Variants in EPB41 observed in about 807,000 individuals in gnomAD.
EPB41 encodes the protein protein 4.1.
EPB41 carries 65 observed loss-of-function variants against 108.0 expected under a neutral mutation model. The ratio of observed to expected loss-of-function variants is 0.60; its 90% confidence interval spans 0.49 to 0.74. EPB41 has a LOEUF of 0.74. EPB41 is among the 30% of genes least tolerant of loss of function. EPB41 has a pLI of 0.00. For synonymous variants in EPB41, 336 were observed against 358.9 expected, an observed-to-expected ratio of 0.94 and a Z score of 0.72; for missense variants, 875 against 1,037.0, an observed-to-expected ratio of 0.84 and a Z score of 2.15.
chr1:29,057,961 T>C (rs2150881958), intron 12 of EPB41, among the ~76,000 whole-genome samples: 1 of 152,290 alleles, frequency 6.6e-6, no homozygotes, highest in South Asian at 2.1e-4. Flanking sequence ...CTGGGAGTAA[T>C]TTCATGTGTC....
chr1:29,061,083 A>G (rs1157576971), intron 15 of EPB41, among the ~76,000 whole-genome samples: 1 of 152,130 alleles, frequency 6.6e-6, no homozygotes, highest in East Asian at 1.9e-4. Flanking sequence ...ATTGAACCTC[A>G]AAGAGATTAA....
intron 1 of EPB41, among the ~76,000 whole-genome samples, chr1:28,908,997 CAA>C (rs879699641): frequency 7.2e-6 from 1 of 137,954 alleles, no homozygotes. Flanking sequence ...ACTAAAAATA[CAA>C]AAAAAAAAAA....
chr1:28,887,543 C>T lies in EPB41; in HGVS notation c.-8+333C>T. 6.1e-6 allele frequency: 6 copies of T among 985,116 alleles called. No individual in the cohort carries two copies. Among genetic ancestry groups the T allele is most frequent in the Non-Finnish European group, 7.2e-6 (6 of 829,790 alleles). 61.0% of individuals were successfully genotyped at this position (985,116 alleles called of 1,614,324 possible). A position where few individuals can be genotyped will look rare whatever the true frequency, so the allele number is the denominator to read the frequency against. On this transcript the variant is annotated intron_variant, in intron 1 of 16. Coordinates refer to the EPB41 transcript ENST00000347529. This position sits in a 1 kb window ranked among gnomAD's most constrained non-coding sequence, Gnocchi z 4.9. ...TGCATTCGGTGTCCGCGGGAGAGTC[C>T]CTGCAGGTCGGCGCAGCCCCCGGCC...
chr1:29,082,171 C>A (rs1656967986), intron 16 of EPB41, among the ~76,000 whole-genome samples: 1 of 152,194 alleles, frequency 6.6e-6, no homozygotes. Flanking sequence ...GTCACCCCGG[C>A]TGGAGTGCAG....
chr1:28,913,964 CA>C (rs2092393280), upstream of EPB41, among the ~76,000 whole-genome samples: 2 of 152,260 alleles, frequency 1.3e-5, 1 homozygote, highest in Admixed American at 1.3e-4. Context: ...GGCGTGGTCT[CA>C]ACACTTAGCT....
At chr1:28,930,488 T>TG (rs1055575788) in intron 1 of EPB41, among the ~76,000 whole-genome samples, 19 of 142,846 alleles carry the variant, frequency 1.3e-4, no homozygotes, top group Admixed American at 1.3e-3. Flanking sequence ...TGTGTGTGTG[T>TG]TTTTTTTTTA....
chr1:28,927,330 A>G (rs1273954002), intron 1 of EPB41, among the ~76,000 whole-genome samples: 2 of 152,188 alleles, frequency 1.3e-5, no homozygotes, highest in Admixed American at 1.3e-4. Context: ...GAAACAGAGA[A>G]CTGATGAATT....
chr1:29,026,788 C>G (rs1158935366), intron 7 of EPB41, among the ~76,000 whole-genome samples: 2 of 152,140 alleles, frequency 1.3e-5, no homozygotes, highest in East Asian at 3.9e-4. Context: ...GTCTGGGTGA[C>G]AGAGCAAGAC....
rs752588508 is a variant in EPB41, at chr1:28,997,219, A to G, written c.686A>G (p.His229Arg). 9.9e-6 allele frequency: 16 copies of G among 1,611,550 alleles called. No individual in the cohort carries two copies. The highest frequency in any genetic ancestry group is 1.4e-5 in the Non-Finnish European group (16 of 1,177,642). Residue 229 changes from histidine (H) to arginine (R), a missense_variant, in exon 4 of 21, where the codon CAT (histidine) becomes CGT (arginine). Physicochemically the swap from His to Arg is conservative, Grantham distance 29. Coordinates refer to ENST00000343067, the MANE Select transcript of EPB41 (RefSeq NM_001376013.1). ...AAGTCACGTATATCTTTGCAGAAAC[A>G]TGCTAAGGGACAAGATTTGCTTAAA... Reference protein sequence around the residue: ...DTVYECVVEKHAKGQDLLKRV... With the variant: ...DTVYECVVEKRAKGQDLLKRV...
chr1:28,917,246 C>CTGTGTGTGTGTGTGTGTG (rs554163319), intron 1 of EPB41, among the ~76,000 whole-genome samples: 1 of 151,528 alleles, frequency 6.6e-6, no homozygotes, highest in African/African-American at 2.4e-5. Context: ...CCATCTCTCT[C>CTGTGTGTGTGTGTGTGTG]TCTGTGTGTG....
upstream of EPB41, among the ~76,000 whole-genome samples, chr1:28,912,241 G>C (rs1175291828): frequency 6.6e-6 from 1 of 152,122 alleles, no homozygotes; most frequent in Non-Finnish European, 1.5e-5. Flanking sequence ...GCAGTCTAGT[G>C]GGTCTAGATT....
intron 16 of EPB41, chr1:29,070,425 C>T (rs748166603): frequency 1.1e-5 from 13 of 1,232,172 alleles, no homozygotes; most frequent in Non-Finnish European, 1.3e-5. Flanking sequence ...GAAAGATCTA[C>T]TGAAAGAGCC....
At chr1:29,104,812 A>G (rs1252345462) in intron 17 of EPB41, among the ~76,000 whole-genome samples, 1 of 151,488 alleles carries the variant, frequency 6.6e-6, no homozygotes, top group African/African-American at 2.4e-5. Flanking sequence ...CTGGTCTCGA[A>G]CTCCTGACCT....
intron 8 of EPB41, 38 bp from the exon 9 acceptor site, chr1:29,033,041 GTGTATTGAGTACTT>G: frequency 2.6e-6 from 4 of 1,545,876 alleles, no homozygotes; most frequent in Non-Finnish European, 3.6e-6. Context: ...ATAGTCAACA[GTGTATTGAGTACTT>G]TGCTCCAGAC....
intron 5 of EPB41, among the ~76,000 whole-genome samples, chr1:29,014,173 T>G (rs2096547013): frequency 6.6e-6 from 1 of 151,830 alleles, no homozygotes; most frequent in Admixed American, 6.6e-5. Flanking sequence ...AAAAATTAGC[T>G]GGGCATGGTG....
chr1:28,989,722 C>G (rs761517818), intron 2 of EPB41, among the ~76,000 whole-genome samples: 2 of 152,096 alleles, frequency 1.3e-5, no homozygotes, highest in African/African-American at 4.8e-5. Context: ...GGGTTCAAAT[C>G]GAAGAAAAGT....
Position 28,949,602 on chromosome 1 carries a change from A to T in EPB41, c.-8+34834A>T, listed in dbSNP as rs148525959. ...TTTCCACTCTGTTATTTATTTATTT[A>T]TTTATTTTTATTTTTTTTTTAGATG... On this transcript the variant is annotated intron_variant, in intron 1 of 20. Coordinates refer to ENST00000343067, the MANE Select transcript of EPB41 (RefSeq NM_001376013.1). 4.5e-3 allele frequency among the ~76,000 whole-genome samples: 678 copies of T among 150,890 alleles called. 4 individuals carry two copies. Among genetic ancestry groups the T allele is most frequent in the African/African-American group, 0.015 (600 of 41,124 alleles).
At position 29,033,120 on chromosome 1, in the gene EPB41, G is replaced by A. The variant is rs752484360; in HGVS notation, c.1240G>A (p.Gly414Ser). 5.0e-6 allele frequency: 8 copies of A among 1,613,760 alleles called. No homozygotes were observed. Among genetic ancestry groups the A allele is most frequent in the Admixed American group, 1.7e-5 (1 of 59,962 alleles). The change falls in exon 9 of 21, where the codon GGT becomes AGT. Residue 414 changes from glycine to serine, a missense_variant. Gly to Ser is a moderately conservative substitution (Grantham distance 56). Around this residue, in one of 3 missense-constraint regions of EPB41, gnomAD observed 519 missense variants for 627.3 expected, o/e 0.83. Transcript: ENST00000343067. Reference protein sequence around the residue: ...KDLEGVDIILGVCSSGLLVYK... With the variant: ...KDLEGVDIILSVCSSGLLVYK... ...CTTGGAAGGAGTAGATATCATCCTA[G>A]GTGTCTGCTCTAGTGGCCTTCTGGT...
chr1:28,923,106 C>CTTTTTTTTTTTTTTTTTTTTTTT (rs1246726906), intron 1 of EPB41, among the ~76,000 whole-genome samples: 1 of 114,712 alleles, frequency 8.7e-6, no homozygotes. Flanking sequence ...CCTTTCTTTT[C>CTTTTTTTTTTTTTTTTTTTTTTT]TTTTCTTTTT....
Sources: gnomAD v4.1 joint callset for allele counts (sites outside exome capture counted in the v4.1 genomes callset) on GRCh38, gnomAD v4.1.1 for gene constraint, gnomAD v4.1.1 regional missense constraint, Gnocchi (gnomAD v3.1) non-coding constraint, MANE v1.5 for transcripts, NCBI Gene and HGNC (gene_info 2026-07-23, HGNC 2026-07-21) for gene names.